The following C1orf35 variants were observed in gnomAD, a reference collection of about 807,000 sequenced individuals.
C1orf35 encodes the protein chromosome 1 open reading frame 35, also known as multiple myeloma tumor-associated protein 2.
Under a neutral mutation model 30.9 loss-of-function variants are expected in C1orf35, and 36 were observed. That is an observed-to-expected ratio of 1.16 (90% CI 0.89 to 1.54). The LOEUF is 1.54. C1orf35 is among the 40% of genes most tolerant of loss of function. C1orf35 has a pLI of 0.00. For missense variants in C1orf35, 396 were observed against 358.7 expected (o/e 1.10, Z -0.84); for synonymous variants, 179 against 148.2 (o/e 1.21, Z -1.51).
In C1orf35 at chr1:228,101,448, T is replaced by C. The variant is rs561644141; in HGVS notation, c.559A>G (p.Lys187Glu). The C allele has an allele frequency of 3.1e-6, 5 of 1,613,300 alleles. No homozygotes were observed. Among genetic ancestry groups the C allele is most frequent in the Non-Finnish European group, 4.2e-6 (5 of 1,179,908 alleles). ...SSCESHRKSK[K>E]EKKKKKKRKH... ...CTCTTTTTCTTTTTCTTCTTCTCCT[T>C]CTTGCTTTTCCTGTGGCTCTCACAA... Residue 187 changes from lysine (K) to glutamate (E), a missense_variant, in exon 7 of 8, where the codon AAG becomes GAG. By Grantham distance (56) the Lys-to-Glu change is moderately conservative (BLOSUM62 1). Coordinates refer to ENST00000272139, the MANE Select transcript of C1orf35 (RefSeq NM_024319.4).
Position 228,102,924 on chromosome 1 carries a change from C to A in C1orf35, c.220G>T (p.Glu74Ter). The A allele has an allele frequency of 6.7e-7, 1 of 1,497,276 alleles. No homozygotes were observed. The highest frequency in any genetic ancestry group is 2.2e-5 in the Admixed American group (1 of 46,234). The allele number at this position is 1,497,276 out of a possible 1,614,324, so 92.7% of individuals were successfully genotyped here. ...AGGGCGGCCAGCAGCGCCTCGCGCT[C>A]CGCCTCCCGCACGGCTGCCAGTTCC... Reference protein sequence around the residue: ...EEELAAVREAEREALLAALGY... With the variant: ...EEELAAVREA The change falls in exon 2 of 8, where the codon GAG becomes TAG. Residue 74 changes from glutamate (E) to a stop codon, truncating the protein, a stop_gained. Coordinates refer to ENST00000272139, the MANE Select transcript of C1orf35 (RefSeq NM_024319.4). LOFTEE classifies it high-confidence loss of function.
At position 228,101,458 on chromosome 1, in the gene C1orf35, C is replaced by T; in HGVS notation, c.549G>A (p.Arg183=). ...DQTESSCESH[R]KSKKEKKKKK... ...TTTTCTTCTTCTCCTTCTTGCTTTT[C>T]CTGTGGCTCTCACAACTACAAGGAG... The change falls in exon 7 of 8, where the codon AGG becomes AGA. Residue 183 remains arginine (R), a synonymous_variant. Coordinates refer to ENST00000272139, the MANE Select transcript of C1orf35 (RefSeq NM_024319.4). 3 of 1,612,802 alleles carry T rather than the reference C, an allele frequency of 1.9e-6. No homozygotes were observed. Among genetic ancestry groups the T allele is most frequent in the Non-Finnish European group, 2.5e-6 (3 of 1,179,988 alleles).
At position 228,103,286 on chromosome 1, in the gene C1orf35, A is replaced by C. The variant is rs2033027150; in HGVS notation, c.-59T>G. The C allele has an allele frequency of 4.4e-6, 7 of 1,579,992 alleles. No homozygotes were observed. The Admixed American group carries it at 1.1e-4, about 24-fold the overall frequency. The stretch of plus-strand genomic sequence containing the variant: ...CTTGCAACCTGCAACCCGCAACCCG[A>C]GACCCGCTACCCACTACCGTCGGAC... On this transcript the variant is annotated 5_prime_UTR_variant, in exon 1 of 8. Transcript: ENST00000272139.
chr1:228,101,748 G>A (rs2032951237), intron 6 of C1orf35: 6 of 1,411,500 alleles, frequency 4.3e-6, no homozygotes, highest in South Asian at 1.5e-5. Context: ...CACCCACCAG[G>A]CCACTCTTAG....
intron 2 of C1orf35, 92 bp downstream of exon 2, chr1:228,102,807 G>GGCCC: frequency 1.9e-6 from 1 of 526,510 alleles, no homozygotes; most frequent in Non-Finnish European, 2.6e-6. Context: ...CCCCGCTCCC[G>GGCCC]CCCAGCCCGA....
rs769949337 is a variant in C1orf35, at chr1:228,101,388, C to G, written c.619G>C (p.Glu207Gln). 2 of 1,614,052 alleles carry G rather than the reference C, an allele frequency of 1.2e-6. No individual in the cohort carries two copies. The highest frequency in any genetic ancestry group is 8.5e-7 in the Non-Finnish European group (1 of 1,179,994). The change falls in exon 7 of 8, where the codon GAG becomes CAG. Residue 207 changes from glutamate to glutamine, a missense_variant. Glu to Gln is a conservative substitution (Grantham distance 29). Coordinates refer to ENST00000272139, the MANE Select transcript of C1orf35 (RefSeq NM_024319.4). Reference sequence around the variant, plus strand: ...GTGGCCTCAGCTGGCCGCCTGTGCTCTTTGTCTTTCTTCTTCTTCTCTTTC... The same window carrying G: ...GTGGCCTCAGCTGGCCGCCTGTGCTGTTTGTCTTTCTTCTTCTTCTCTTTC... ...HKKEKKKKDKEHRRPAEATSS... is the reference protein window; with the variant it reads ...HKKEKKKKDKQHRRPAEATSS...
At chr1:228,103,101 G>A (rs747823206) in intron 1 of C1orf35, 33 bp downstream of exon 1, 1 of 1,607,992 alleles carries the variant, frequency 6.2e-7, no homozygotes, top group South Asian at 1.1e-5. Flanking sequence ...CCCGGAGCCC[G>A]GAGCCCGGAG....
At position 228,100,989 on chromosome 1, in the gene C1orf35, GC is replaced by G. The variant is rs1208627977; in HGVS notation, c.*141del. On this transcript the variant is annotated 3_prime_UTR_variant, in exon 8 of 8. Coordinates refer to ENST00000272139, the MANE Select transcript of C1orf35 (RefSeq NM_024319.4). ...TCCAGAGCTAGCTGTCAAGTCTTTA[GC>G]CCCACAGGCTGGTGCCCAGAGCCAC... 1 of 1,249,178 alleles carries G rather than the reference GC, an allele frequency of 8.0e-7. No homozygotes were observed. Among genetic ancestry groups the G allele is most frequent in the Non-Finnish European group, 1.1e-6 (1 of 902,184 alleles). The allele number at this position is 1,249,178 out of a possible 1,614,324, so 77.4% of individuals were successfully genotyped here. A position where few individuals can be genotyped will look rare whatever the true frequency, so the allele number is the denominator to read the frequency against.
chr1:228,101,504 C>T, intron 6 of C1orf35, 31 bp from the exon 7 acceptor site: 1 of 1,607,808 alleles, frequency 6.2e-7, no homozygotes, highest in African/African-American at 1.3e-5. Flanking sequence ...GTGCCTCAGA[C>T]CCTAGTCTTG....
Position 228,103,135 on chromosome 1 carries a change from C to A in C1orf35, c.93G>T (p.Leu31=). Residue 31 remains leucine (L), a splice_region_variant and synonymous_variant, in exon 1 of 8, where the codon CTG becomes CTT. Coordinates refer to ENST00000272139, the MANE Select transcript of C1orf35 (RefSeq NM_024319.4). ...AGCCCGCCCACCGCGCGCACCCACC[C>A]AGGTAGTTCTCCCGCTGCTTGTCAG... is the stretch of plus-strand genomic sequence containing the variant. ...VKTDKQRENY[L]GNSLMAPVGR... 2 of 1,610,946 alleles carry A rather than the reference C, an allele frequency of 1.2e-6. No homozygotes were observed. The highest frequency in any genetic ancestry group is 1.7e-6 in the Non-Finnish European group (2 of 1,179,226).
rs765747255 is a variant in C1orf35 at position 228,103,057 on chromosome 1, C to T, written c.95-8G>A. 1.1e-5 allele frequency: 17 copies of T among 1,602,744 alleles called. No individual in the cohort carries two copies. Among genetic ancestry groups the T allele is most frequent in the Non-Finnish European group, 1.4e-5 (17 of 1,175,788 alleles). On this transcript the variant is annotated splice_polypyrimidine_tract_variant and splice_region_variant and intron_variant, in intron 1 of 7. Transcript: ENST00000272139. The stretch of plus-strand genomic sequence containing the variant: ...GCGCCATCAGCGAGTTGCCTGCGGA[C>T]GTAGACGCTGTGAGTCCAGCGCCCG...
Position 228,103,299 on chromosome 1 carries a change from A to C in C1orf35, c.-72T>G. 6.5e-7 allele frequency: 1 copy of C among 1,546,436 alleles called. No individual in the cohort carries two copies. The highest frequency in any genetic ancestry group is 8.7e-7 in the Non-Finnish European group (1 of 1,143,540). On this transcript the variant is annotated 5_prime_UTR_variant, in exon 1 of 8. Coordinates refer to ENST00000272139, the MANE Select transcript of C1orf35 (RefSeq NM_024319.4). ...ACCCGCAACCCGAGACCCGCTACCC[A>C]CTACCGTCGGACCCAGGCCCGACCC...
rs1398327154 is a variant in C1orf35, at chr1:228,101,542, C to T, written c.534-69G>A. On this transcript the variant is annotated intron_variant, in intron 6 of 7. Transcript: ENST00000272139. ...AGCCAAGAGAGTGAACACAAGCAGGCCCCATCCAGATGAAGCCACCACCCA... is the reference window on the plus strand; with the variant it reads ...AGCCAAGAGAGTGAACACAAGCAGGTCCCATCCAGATGAAGCCACCACCCA... The T allele has an allele frequency of 3.8e-6, 6 of 1,587,154 alleles. 1 individual carries two copies.
Position 228,101,144 on chromosome 1 carries a change from C to A in C1orf35, c.779G>T (p.Gly260Val). 1 of 1,613,588 alleles carries A rather than the reference C, an allele frequency of 6.2e-7. No homozygotes were observed. Residue 260 changes from glycine to valine, a missense_variant, in exon 8 of 8, where the codon GGC becomes GTC. By Grantham distance (109) the Gly-to-Val change is moderately radical (BLOSUM62 -3). Transcript: ENST00000272139. ...AGGGTCCAGCCATCAGGCCTCAGAG[C>A]CTCTGTCATGCCACCTGCGAGACGG... ...RSPSRRWHDR[G>V]SEA
Position 228,102,658 on chromosome 1 carries a change from C to G in C1orf35, c.276G>C (p.Thr92=), listed in dbSNP as rs1338463930. The change falls in exon 3 of 8, where the codon ACG becomes ACC. Residue 92 remains threonine (T), a synonymous_variant. Coordinates refer to ENST00000272139, the MANE Select transcript of C1orf35 (RefSeq NM_024319.4). ...GGGGAGTTACCTCCTTGCTCAGGCC[C>G]GTGGGCTGCTTCTTCACGTTCTTGT... ...LGYKNVKKQP[T]GLSKEDFAEV... 2 of 1,607,994 alleles carry G rather than the reference C, an allele frequency of 1.2e-6. No individual in the cohort carries two copies. Among genetic ancestry groups the G allele is most frequent in the East Asian group, 2.2e-5 (1 of 44,714 alleles).
intron 6 of C1orf35, chr1:228,101,719 G>T: frequency 7.0e-7 from 1 of 1,422,254 alleles, no homozygotes. Context: ...CCCTTGGCAG[G>T]TTGACACCTT....
Position 228,103,213 on chromosome 1 carries a change from A to G in C1orf35, c.15T>C (p.Ser5=). 6.2e-7 allele frequency: 1 copy of G among 1,610,252 alleles called. No homozygotes were observed. The highest frequency in any genetic ancestry group is 8.5e-7 in the Non-Finnish European group (1 of 1,179,032). MFGS[S]RGGVRGGQDQ... ...CCTGCCCGCCGCGCACGCCTCCACG[A>G]CTGGAGCCGAACATGGCGCCGGGAA... Residue 5 remains serine, a synonymous_variant, in exon 1 of 8, where the codon AGT becomes AGC. Coordinates refer to ENST00000272139, the MANE Select transcript of C1orf35 (RefSeq NM_024319.4).
rs1209391028 is a variant in C1orf35 at position 228,103,270 on chromosome 1, T to TGCAACCC, written c.-50_-44dup. On this transcript the variant is annotated 5_prime_UTR_variant, in exon 1 of 8. Transcript: ENST00000272139. The stretch of plus-strand genomic sequence containing the variant: ...TGCCTGGGGCCTGCGGCTTGCAACC[T>TGCAACCC]GCAACCCGCAACCCGAGACCCGCTA... The TGCAACCC allele has an allele frequency of 1.9e-5, 31 of 1,598,940 alleles. No homozygotes were observed. Among genetic ancestry groups the TGCAACCC allele is most frequent in the Middle Eastern group, 2.0e-4 (1 of 5,022 alleles).
At position 228,101,229 on chromosome 1, in the gene C1orf35, C is replaced by T. The variant is rs760829223; in HGVS notation, c.694G>A (p.Asp232Asn). 1.3e-5 allele frequency: 21 copies of T among 1,613,946 alleles called. No homozygotes were observed. The Middle Eastern group carries it at 4.9e-4, about 38-fold the overall frequency. Residue 232 changes from aspartate (D) to asparagine (N), a missense_variant, in exon 8 of 8, where the codon GAC becomes AAC. By Grantham distance (23) the Asp-to-Asn change is conservative. Coordinates refer to ENST00000272139, the MANE Select transcript of C1orf35 (RefSeq NM_024319.4). ...ERPRHHHHDS[D>N]SNSPCCKRRK... ...CTCTTACAGCAGGGGGAGTTGGAGT[C>T]GGAGTCATGGTGGTGGTGCCTGGGC...
Sources: allele counts gnomAD v4.1 joint callset, GRCh38; gene constraint gnomAD v4.1.1; transcripts MANE v1.5; gene names NCBI Gene and HGNC (gene_info 2026-07-23, HGNC 2026-07-21).